Variants in HS6ST3 observed in about 807,000 individuals in gnomAD.
HS6ST3 encodes the protein heparan-sulfate 6-O-sulfotransferase 3.
In HS6ST3, 12 loss-of-function variants were observed where a neutral mutation model predicts 36.7. The ratio of observed to expected loss-of-function variants is 0.33; its 90% CI spans 0.21 to 0.53. HS6ST3 has a LOEUF of 0.53. Ranked by LOEUF, HS6ST3 falls within the 20% of genes least tolerant of loss-of-function variation. HS6ST3 has a pLI of 0.95. For missense variants in HS6ST3, 584 were observed against 640.9 expected, an observed-to-expected ratio of 0.91 and a Z score of 0.96; for synonymous variants, 240 against 257.5, an observed-to-expected ratio of 0.93 and a Z score of 0.65.
In HS6ST3 at chr13:96,174,194, A is replaced by G. The variant is rs1202906640; in HGVS notation, c.707+82625A>G. Among the ~76,000 whole-genome samples, 7 of 152,260 alleles carry G rather than the reference A, an allele frequency of 4.6e-5. 1 individual carries two copies. The South Asian group carries it at 1.5e-3, about 32-fold the overall frequency. On this transcript the variant is annotated intron_variant, in intron 1 of 1. Transcript: ENST00000376705. ...GCATACAGAATGGCATTACATAAAG[A>G]CTATACAGCTTCCCGATGCCAGCTC...
intron 1 of HS6ST3, among the ~76,000 whole-genome samples, chr13:96,222,286 A>G (rs1330659424): frequency 6.6e-6 from 1 of 152,222 alleles, no homozygotes; most frequent in Non-Finnish European, 1.5e-5. Flanking sequence ...AAAGCCTTGA[A>G]ATGGGCTTTA....
intron 1 of HS6ST3, among the ~76,000 whole-genome samples, chr13:96,542,453 A>G (rs1233623365): frequency 6.6e-6 from 1 of 152,200 alleles, no homozygotes; most frequent in Non-Finnish European, 1.5e-5. Context: ...GTAATTACAT[A>G]AATACATAAT....
chr13:96,774,478 A>G (rs1877342246), intron 1 of HS6ST3, among the ~76,000 whole-genome samples: 1 of 152,210 alleles, frequency 6.6e-6, no homozygotes, highest in Non-Finnish European at 1.5e-5. Flanking sequence ...AGTTTAGAGA[A>G]GAACATAAAT....
chr13:96,462,278 C>T (rs2055788401), intron 1 of HS6ST3, among the ~76,000 whole-genome samples: 1 of 152,068 alleles, frequency 6.6e-6, no homozygotes, highest in Non-Finnish European at 1.5e-5. Flanking sequence ...GTTGTGTTGC[C>T]TAGGCTGGTC....
chr13:96,609,063 G>A (rs986160321), intron 1 of HS6ST3, among the ~76,000 whole-genome samples: 13 of 151,926 alleles, frequency 8.6e-5, no homozygotes, highest in Non-Finnish European at 1.6e-4. Flanking sequence ...TCCACCTCCC[G>A]GGTTCATGCC....
At chr13:96,097,584 G>T (rs1241850098) in intron 1 of HS6ST3, among the ~76,000 whole-genome samples, 1 of 151,784 alleles carries the variant, frequency 6.6e-6, no homozygotes, top group Non-Finnish European at 1.5e-5. Context: ...ATTTTAATTG[G>T]CCAAATTAAT....
intron 1 of HS6ST3, among the ~76,000 whole-genome samples, chr13:96,272,079 A>G (rs1463847718): frequency 6.6e-6 from 1 of 152,066 alleles, no homozygotes; most frequent in African/African-American, 2.4e-5. Context: ...CAGCCATTGT[A>G]AAGAGTAATA....
rs147857247 is a variant in HS6ST3, at chr13:96,832,838, G to A, written c.1056G>A (p.Gly352=). 214 of 1,614,146 alleles carry A rather than the reference G, an allele frequency of 1.3e-4. 1 individual carries two copies. In the African/African-American group the frequency reaches 2.5e-3, roughly 19 times the overall value. The change falls in exon 2 of 2, where the codon GGG becomes GGA. Residue 352 remains glycine, a synonymous_variant. Coordinates refer to ENST00000376705, the MANE Select transcript of HS6ST3 (RefSeq NM_153456.4). Reference sequence around the variant, plus strand: ...ACCTGAAGAACATGGCCTTCTTTGGGCTCACTGAGTTCCAGAGGAAGACAC... The same window carrying A: ...ACCTGAAGAACATGGCCTTCTTTGGACTCACTGAGTTCCAGAGGAAGACAC... ...KNNLKNMAFF[G]LTEFQRKTQF... is the part of the protein sequence containing the mutation.
intron 1 of HS6ST3, among the ~76,000 whole-genome samples, chr13:96,316,287 G>GTC (rs2054969546): frequency 6.8e-6 from 1 of 146,314 alleles, no homozygotes; most frequent in South Asian, 2.2e-4. Context: ...GTGTGTGTGT[G>GTC]TGTGTGTGTG....
chr13:96,725,041 C>T (rs919095846), intron 1 of HS6ST3, among the ~76,000 whole-genome samples: 2 of 152,064 alleles, frequency 1.3e-5, no homozygotes, highest in Admixed American at 6.6e-5. Flanking sequence ...CGCATTGTCC[C>T]GGACACTTAG....
chr13:96,121,280 C>T (rs561807570), intron 1 of HS6ST3, among the ~76,000 whole-genome samples: 3 of 152,132 alleles, frequency 2.0e-5, no homozygotes, highest in South Asian at 4.2e-4. Context: ...GCGCTATATT[C>T]GACCAAGTAG....
chr13:96,245,752 T>A (rs901096059), intron 1 of HS6ST3, among the ~76,000 whole-genome samples: 3 of 152,132 alleles, frequency 2.0e-5, no homozygotes, highest in African/African-American at 7.2e-5. Flanking sequence ...AGGCAGCATA[T>A]TTTTTCCCAT....
At chr13:96,287,039 G>A (rs963265046) in intron 1 of HS6ST3, among the ~76,000 whole-genome samples, 4 of 152,128 alleles carry the variant, frequency 2.6e-5, no homozygotes, top group African/African-American at 9.7e-5. Flanking sequence ...TGGCAGCAAT[G>A]CCAGGGCACA....
intron 1 of HS6ST3, among the ~76,000 whole-genome samples, chr13:96,278,910 G>A (rs2054761375): frequency 6.6e-6 from 1 of 152,102 alleles, no homozygotes; most frequent in Non-Finnish European, 1.5e-5. Context: ...GTAATTTTGT[G>A]TTCTTCAGGT....
At chr13:96,113,982 A>G (rs2053882341) in intron 1 of HS6ST3, among the ~76,000 whole-genome samples, 1 of 152,038 alleles carries the variant, frequency 6.6e-6, no homozygotes. Context: ...GTATTAGGAT[A>G]TGTTTGAGGC....
chr13:96,338,472 C>T (rs1194444496), intron 1 of HS6ST3, among the ~76,000 whole-genome samples: 1 of 152,180 alleles, frequency 6.6e-6, no homozygotes, highest in African/African-American at 2.4e-5. Context: ...GTAATCTTGC[C>T]ATTCTCTGCT....
At chr13:96,432,457 C>G (rs979074631) in intron 1 of HS6ST3, among the ~76,000 whole-genome samples, 1 of 152,136 alleles carries the variant, frequency 6.6e-6, no homozygotes, top group Non-Finnish European at 1.5e-5. Flanking sequence ...ATAAAGGCCA[C>G]AAACATTTTA....
At chr13:96,374,764 T>C (rs969220773) in intron 1 of HS6ST3, among the ~76,000 whole-genome samples, 2 of 152,112 alleles carry the variant, frequency 1.3e-5, no homozygotes, top group South Asian at 2.1e-4. Flanking sequence ...CTGACCCCTC[T>C]GTCCCTCCCT....
intron 1 of HS6ST3, among the ~76,000 whole-genome samples, chr13:96,674,601 C>G (rs1286616626): frequency 6.6e-6 from 1 of 152,096 alleles, no homozygotes; most frequent in Non-Finnish European, 1.5e-5. Context: ...TTAGACGTTT[C>G]CTCCATGGCC....
Sources: allele counts gnomAD v4.1 joint callset (sites outside exome capture counted in the v4.1 genomes callset), GRCh38; gene constraint gnomAD v4.1.1; transcripts MANE v1.5; gene names NCBI Gene and HGNC (gene_info 2026-07-23, HGNC 2026-07-21).